The following C10orf67 variants were observed in gnomAD, a reference collection of about 807,000 sequenced individuals.
C10orf67 encodes the protein chromosome 10 open reading frame 67.
Under a neutral mutation model 35.6 loss-of-function variants are expected in C10orf67, and 60 were observed. The ratio of observed to expected loss-of-function variants is 1.68; its 90% CI spans 1.37 to 2.09. The LOEUF is 2.09. Ranked by LOEUF, C10orf67 falls within the 30% of genes most tolerant of loss-of-function variation. The pLI, the probability that C10orf67 is intolerant of heterozygous loss-of-function variation, is 0.00. For synonymous variants in C10orf67, 167 were observed against 115.8 expected, an observed-to-expected ratio of 1.44 and a Z score of -2.84; for missense variants, 474 against 330.2, an observed-to-expected ratio of 1.44 and a Z score of -3.38.
At chr10:23,276,759 C>T (rs1043061891) in intron 8 of C10orf67, among the ~76,000 whole-genome samples, 2 of 152,044 alleles carry the variant, frequency 1.3e-5, no homozygotes, top group Non-Finnish European at 1.5e-5. Context: ...CACCACGTTG[C>T]GAGAGATAAA....
At chr10:23,232,567 G>T (rs1417054202) in intron 13 of C10orf67, among the ~76,000 whole-genome samples, 2 of 152,212 alleles carry the variant, frequency 1.3e-5, no homozygotes, top group African/African-American at 4.8e-5. Context: ...GTTGCTCATG[G>T]GCTTAGACTA....
intron 8 of C10orf67, among the ~76,000 whole-genome samples, chr10:23,274,859 A>G (rs2132220273): frequency 6.6e-6 from 1 of 152,294 alleles, no homozygotes; most frequent in African/African-American, 2.4e-5. Flanking sequence ...AATGTTCACA[A>G]TTTATGTTCA....
intron 3 of C10orf67, 44 bp downstream of exon 3, chr10:23,322,350 C>G (rs1159118483): frequency 6.3e-7 from 1 of 1,579,896 alleles, no homozygotes; most frequent in South Asian, 1.1e-5. Context: ...CATCTAAGCA[C>G]AGTATCAATC....
intron 15 of C10orf67, among the ~76,000 whole-genome samples, chr10:23,217,569 G>A (rs1317299665): frequency 1.3e-5 from 2 of 152,128 alleles, no homozygotes; most frequent in African/African-American, 4.8e-5. Context: ...CACAATATCA[G>A]TCTGCAACCA....
At chr10:23,301,122 CATAATCGGGGA>C (rs1426902877) in intron 5 of C10orf67, among the ~76,000 whole-genome samples, 1 of 152,202 alleles carries the variant, frequency 6.6e-6, no homozygotes, top group East Asian at 1.9e-4. Flanking sequence ...TTGGAGGGGG[CATAATCGGGGA>C]ATATGGGTCA....
chr10:23,249,131 CAAAAAAAAAA>C (rs57702096), intron 12 of C10orf67, among the ~76,000 whole-genome samples: 364 of 21,572 alleles, frequency 0.017, 5 homozygotes, highest in African/African-American at 0.045. Flanking sequence ...AACTCCCTCT[CAAAAAAAAAA>C]AAAAAAAAAA....
intron 5 of C10orf67, among the ~76,000 whole-genome samples, chr10:23,295,596 C>T (rs909231244): frequency 6.6e-6 from 1 of 152,138 alleles, no homozygotes; most frequent in Admixed American, 6.5e-5. Flanking sequence ...CTAGTTTAGC[C>T]AGGCGGGTAT....
At position 23,303,477 on chromosome 10, in the gene C10orf67, C is replaced by T; in HGVS notation, c.547-18G>A. ...AAGAATTGCTAGGGACAAAAAAAAG[C>T]AGCATTAAAAATTAGACACTAAGCA... On this transcript the variant is annotated intron_variant, in intron 4 of 15. Transcript: ENST00000636213. The T allele has an allele frequency of 2.0e-6, 1 of 505,492 alleles. No individual in the cohort carries two copies. The highest frequency in any genetic ancestry group is 3.6e-6 in the Non-Finnish European group (1 of 278,412). The allele number at this position is 505,492 out of a possible 1,614,324, so 31.3% of individuals were successfully genotyped here. A position where few individuals can be genotyped will look rare whatever the true frequency, so the allele number is the denominator to read the frequency against.
chr10:23,306,578 A>C (rs1844294338), intron 4 of C10orf67, among the ~76,000 whole-genome samples: 1 of 151,608 alleles, frequency 6.6e-6, no homozygotes, highest in Non-Finnish European at 1.5e-5. Context: ...AGGCTGGAGC[A>C]CAGGGAAAAT....
chr10:23,279,634 T>C (rs1213198597), intron 8 of C10orf67, among the ~76,000 whole-genome samples: 1 of 152,190 alleles, frequency 6.6e-6, no homozygotes, highest in Non-Finnish European at 1.5e-5. Context: ...TCAATCATGG[T>C]GTTTTTCTGA....
intron 10 of C10orf67, among the ~76,000 whole-genome samples, chr10:23,261,662 T>G (rs1362769402): frequency 6.6e-6 from 1 of 152,186 alleles, no homozygotes; most frequent in African/African-American, 2.4e-5. Flanking sequence ...CTTTATTCCC[T>G]AATTGAGCTG....
At position 23,223,904 on chromosome 10, in the gene C10orf67, T is replaced by C. The variant is rs530237073; in HGVS notation, c.1435-86A>G. On this transcript the variant is annotated intron_variant, in intron 13 of 15. Transcript: ENST00000636213. ...GACGTTAATGTTCTCCAGCCTTTAG[T>C]TGACCAAGATATGGAAACTATGCTT... 1.0e-5 allele frequency: 7 copies of C among 684,960 alleles called. No homozygotes were observed. The African/African-American group carries it at 1.3e-4, about 12-fold the overall frequency. The allele number at this position is 684,960 out of a possible 1,614,324, so 42.4% of individuals were successfully genotyped here. A position where few individuals can be genotyped will look rare whatever the true frequency, so the allele number is the denominator to read the frequency against.
At chr10:23,295,057 G>A (rs990414442) in intron 5 of C10orf67, among the ~76,000 whole-genome samples, 3 of 152,218 alleles carry the variant, frequency 2.0e-5, no homozygotes, top group African/African-American at 7.2e-5. Context: ...GAGCAGAGCA[G>A]TCAGGAGGGG....
intron 10 of C10orf67, among the ~76,000 whole-genome samples, chr10:23,257,565 G>C (rs1460113039): frequency 1.3e-5 from 2 of 152,136 alleles, no homozygotes; most frequent in East Asian, 3.8e-4. Flanking sequence ...CACTTTGGGG[G>C]GCCAAGGCAG....
At chr10:23,274,683 G>A (rs536734387) in intron 8 of C10orf67, among the ~76,000 whole-genome samples, 8 of 152,086 alleles carry the variant, frequency 5.3e-5, no homozygotes, top group South Asian at 4.2e-4. Flanking sequence ...TCAAATACAC[G>A]TTTTACAATT....
chr10:23,306,452 A>T (rs1313472774), intron 4 of C10orf67, among the ~76,000 whole-genome samples: 1 of 145,720 alleles, frequency 6.9e-6, no homozygotes, highest in African/African-American at 2.5e-5. Context: ...TGAAGCCAGG[A>T]GGTGGAGGTT....
intron 13 of C10orf67, among the ~76,000 whole-genome samples, chr10:23,233,085 G>C (rs373100163): frequency 6.6e-6 from 1 of 152,042 alleles, no homozygotes; most frequent in African/African-American, 2.4e-5. Context: ...TGAGCTCAGA[G>C]GTTTGATGTT....
intron 12 of C10orf67, among the ~76,000 whole-genome samples, chr10:23,248,709 C>T (rs78207215): frequency 3.3e-5 from 5 of 152,270 alleles, no homozygotes; most frequent in East Asian, 1.9e-4. Context: ...CAAATGCACT[C>T]GCTACGGTGC....
At chr10:23,234,710 TAA>T (rs58761189) in intron 13 of C10orf67, among the ~76,000 whole-genome samples, 4,980 of 136,452 alleles carry the variant, frequency 0.036, 254 homozygotes, top group African/African-American at 0.12. Flanking sequence ...AAGTCAAGGC[TAA>T]AAAAAAAAAA....
Sources: allele counts gnomAD v4.1 joint callset (sites outside exome capture counted in the v4.1 genomes callset), GRCh38; gene constraint gnomAD v4.1.1; transcripts MANE v1.5; gene names NCBI Gene and HGNC (gene_info 2026-07-23, HGNC 2026-07-21).